Variants in TMEM87B observed in about 807,000 individuals in gnomAD.
TMEM87B encodes the protein transmembrane protein 87B.
In TMEM87B, 83 loss-of-function variants were observed where a neutral mutation model predicts 80.3. The ratio of observed to expected loss-of-function variants is 1.03; its 90% confidence interval spans 0.87 to 1.24. The LOEUF (loss-of-function observed/expected upper bound fraction) is 1.24, where lower values mean the gene tolerates loss of function less well. Ranked by LOEUF, TMEM87B falls within the 50% of genes most tolerant of loss-of-function variation. The probability of loss-of-function intolerance (pLI) is 0.00; values close to 1 mark genes in which losing one functional copy is unlikely to be tolerated. For missense variants in TMEM87B, 625 were observed against 674.4 expected, an observed-to-expected ratio of 0.93 and a Z score of 0.81; for synonymous variants, 219 against 230.5, an observed-to-expected ratio of 0.95 and a Z score of 0.45.
At chr2:112,059,701 A>C (rs1052275088) in intron 1 of TMEM87B, among the ~76,000 whole-genome samples, 3 of 152,200 alleles carry the variant, frequency 2.0e-5, no homozygotes, top group Non-Finnish European at 4.4e-5. Context: ...TCTGAGCAGC[A>C]CTAATCCTGC....
chr2:112,100,752 G>T (rs1027675341), intron 15 of TMEM87B, 57 bp downstream of exon 15: 2 of 1,157,842 alleles, frequency 1.7e-6, no homozygotes, highest in East Asian at 4.8e-5. Context: ...CAGAAATATT[G>T]TACCTTTACC....
chr2:112,069,304 C>G (rs1678554157), intron 4 of TMEM87B, among the ~76,000 whole-genome samples: 1 of 151,726 alleles, frequency 6.6e-6, no homozygotes, highest in African/African-American at 2.4e-5. Flanking sequence ...TTTTTCTGCT[C>G]CTCTACCTCC....
chr2:112,096,987 T>TG (rs1558845918), intron 11 of TMEM87B, 57 bp from the exon 12 acceptor site: 2 of 520,794 alleles, frequency 3.8e-6, no homozygotes, highest in African/African-American at 4.3e-5. Flanking sequence ...GAAGATTCTG[T>TG]TTTTTTTTTT....
chr2:112,088,502 T>G (rs1004390465), intron 9 of TMEM87B, among the ~76,000 whole-genome samples: 1 of 152,204 alleles, frequency 6.6e-6, no homozygotes, highest in African/African-American at 2.4e-5. Flanking sequence ...TAATTAAATA[T>G]GAGCTATGAC....
intron 17 of TMEM87B, among the ~76,000 whole-genome samples, chr2:112,108,790 T>C (rs1324898147): frequency 6.6e-6 from 1 of 152,192 alleles, no homozygotes; most frequent in Non-Finnish European, 1.5e-5. Flanking sequence ...TCTAGGTTTG[T>C]GTGGGCATAT....
At chr2:112,096,137 ACC>A (rs1398760021) in intron 11 of TMEM87B, among the ~76,000 whole-genome samples, 3 of 152,064 alleles carry the variant, frequency 2.0e-5, no homozygotes, top group Non-Finnish European at 2.9e-5. Flanking sequence ...CCGGGCACAG[ACC>A]CTCTGAGTTC....
intron 4 of TMEM87B, among the ~76,000 whole-genome samples, chr2:112,069,198 CAAAAAAA>C (rs1280554360): frequency 1.6e-5 from 1 of 62,370 alleles, no homozygotes; most frequent in African/African-American, 5.8e-5. Flanking sequence ...GACTCCGTCT[CAAAAAAA>C]AAAAAAAAAA....
rs563431366 is a variant in TMEM87B at position 112,108,334 on chromosome 2, A to AT, written c.1577+501dup. On this transcript the variant is annotated intron_variant, in intron 17 of 18. Coordinates refer to ENST00000283206, the MANE Select transcript of TMEM87B (RefSeq NM_032824.3). ...AAATAGAATAGCCAAGTATGATAAA[A>AT]TTTTTTTACATATTGGTCTTTCCCT... Among the ~76,000 whole-genome samples, 31 of 152,174 alleles carry AT rather than the reference A, an allele frequency of 2.0e-4. 1 individual carries two copies. The South Asian group carries it at 6.2e-3, about 31-fold the overall frequency.
At chr2:112,063,663 C>G (rs1223519380) in intron 2 of TMEM87B, among the ~76,000 whole-genome samples, 1 of 152,222 alleles carries the variant, frequency 6.6e-6, no homozygotes, top group Non-Finnish European at 1.5e-5. Flanking sequence ...TTCATGCTCT[C>G]CTGGGCTATG....
chr2:112,116,338 C>G lies in TMEM87B; in HGVS notation c.*195C>G, dbSNP rs563279734. ...TGACTCTTGAGTGTCAGTTGAATAT[C>G]CATTAAATTGGATTTGGAAATAACC... On this transcript the variant is annotated 3_prime_UTR_variant, in exon 19 of 19. Transcript: ENST00000283206. 97 of 514,490 alleles carry G rather than the reference C, an allele frequency of 1.9e-4. No individual in the cohort carries two copies. The highest frequency in any genetic ancestry group is 1.7e-3 in the African/African-American group (89 of 51,982). 31.9% of individuals were successfully genotyped at this position (514,490 alleles called of 1,614,324 possible).
At chr2:112,089,576 A>G in intron 9 of TMEM87B, 49 bp from the exon 10 acceptor site, 1 of 1,551,208 alleles carries the variant, frequency 6.4e-7, no homozygotes, top group Non-Finnish European at 8.9e-7. Context: ...GGTGCATTTT[A>G]CTCACCCATG....
At chr2:112,076,912 C>G (rs957404024) in intron 5 of TMEM87B, among the ~76,000 whole-genome samples, 5 of 143,932 alleles carry the variant, frequency 3.5e-5, no homozygotes, top group South Asian at 2.2e-4. Flanking sequence ...TTAAAAGAAA[C>G]CCAATATGAC....
At chr2:112,074,855 A>AT in intron 4 of TMEM87B, 57 bp from the exon 5 acceptor site, 1 of 1,461,644 alleles carries the variant, frequency 6.8e-7, no homozygotes, top group Non-Finnish European at 9.1e-7. Context: ...TATTAAAACA[A>AT]TTTTTCTCCG....
At chr2:112,071,716 T>C (rs1678643197) in intron 4 of TMEM87B, among the ~76,000 whole-genome samples, 1 of 152,150 alleles carries the variant, frequency 6.6e-6, no homozygotes, top group Non-Finnish European at 1.5e-5. Flanking sequence ...TATATAATCA[T>C]GTCGTCTGCA....
chr2:112,097,425 A>G (rs1441269770), intron 13 of TMEM87B, 134 bp downstream of exon 13: 3 of 890,690 alleles, frequency 3.4e-6, no homozygotes, highest in Non-Finnish European at 4.9e-6. Context: ...ACTATTTTTT[A>G]CAGAGTTATA....
intron 11 of TMEM87B, among the ~76,000 whole-genome samples, chr2:112,094,102 T>A (rs1043392673): frequency 3.3e-5 from 5 of 152,122 alleles, no homozygotes; most frequent in African/African-American, 1.2e-4. Context: ...CTGCGTTTTT[T>A]AAAAAATAAA....
chr2:112,089,629 C>T lies in TMEM87B; in HGVS notation c.943C>T (p.Arg315Cys), dbSNP rs200867510. 6.2e-6 allele frequency: 10 copies of T among 1,613,912 alleles called. No individual in the cohort carries two copies. Among genetic ancestry groups the T allele is most frequent in the South Asian group, 3.3e-5 (3 of 91,072 alleles). Residue 315 changes from arginine (R) to cysteine (C), a missense_variant, in exon 10 of 19, where the codon CGT becomes TGT. By Grantham distance (180) the Arg-to-Cys change is radical. Coordinates refer to ENST00000283206, the MANE Select transcript of TMEM87B (RefSeq NM_032824.3). Reference protein sequence around the residue: ...VSLGYGIVKPRLGTVMHRVIG... With the variant: ...VSLGYGIVKPCLGTVMHRVIG... ...GTTTCCTCTTCCTGATTCCAGGCCT[C>T]GTTTAGGAACAGTCATGCACCGGGT... is the stretch of plus-strand genomic sequence containing the variant.
At chr2:112,055,779 G>A in intron 1 of TMEM87B, 23 bp downstream of exon 1, 2 of 1,454,262 alleles carry the variant, frequency 1.4e-6, no homozygotes, top group Non-Finnish European at 1.8e-6. Context: ...TCGGGACCCA[G>A]GCGTGGCACG....
chr2:112,078,902 G>A (rs1212576007), intron 6 of TMEM87B, among the ~76,000 whole-genome samples: 1 of 152,196 alleles, frequency 6.6e-6, no homozygotes, highest in Non-Finnish European at 1.5e-5. Flanking sequence ...TGGGACTACT[G>A]TGCTCTTGTA....
Sources: gnomAD v4.1 joint callset for allele counts (sites outside exome capture counted in the v4.1 genomes callset) on GRCh38, gnomAD v4.1.1 for gene constraint, MANE v1.5 for transcripts, NCBI Gene and HGNC (gene_info 2026-07-23, HGNC 2026-07-21) for gene names.